Variants in IFI16 observed in about 807,000 individuals in gnomAD.
IFI16 encodes gamma-interferon-inducible protein 16.
IFI16 carries 49 observed loss-of-function variants against 68.4 expected under a neutral mutation model. The observed-to-expected ratio is 0.72, with a 90% confidence interval of 0.57 to 0.91. The LOEUF (loss-of-function observed/expected upper bound fraction) is 0.91, where lower values mean the gene tolerates loss of function less well. Among genes scored for constraint, IFI16 ranks in the 40% least tolerant of loss-of-function variants. The pLI is 0.00. For missense variants in IFI16, 878 were observed against 942.9 expected (o/e 0.93, Z 0.90); for synonymous variants, 307 against 315.0 (o/e 0.97, Z 0.27).
At chr1:159,021,880 G>T (rs969899438) in intron 6 of IFI16, among the ~76,000 whole-genome samples, 5 of 148,780 alleles carry the variant, frequency 3.4e-5, no homozygotes, top group African/African-American at 1.0e-4. Context: ...CCTTATGCTT[G>T]TTGGCCATTT....
intron 7 of IFI16, among the ~76,000 whole-genome samples, chr1:159,043,177 T>C (rs572936917): frequency 6.6e-6 from 1 of 152,334 alleles, no homozygotes; most frequent in African/African-American, 2.4e-5. Flanking sequence ...CTGGTTCTTC[T>C]TGGGCAGAAC....
At chr1:159,030,873 G>A (rs1653955386) in intron 6 of IFI16, among the ~76,000 whole-genome samples, 1 of 17,236 alleles carries the variant, frequency 5.8e-5, no homozygotes, top group Admixed American at 7.8e-4. Context: ...CTCAGGTGGT[G>A]GGTGGGGGGG....
Position 159,051,342 on chromosome 1 carries a change from A to C in IFI16, c.1666-337A>C, listed in dbSNP as rs116744790. Among the ~76,000 whole-genome samples the C allele has an allele frequency of 7.3e-3, 1,109 of 152,250 alleles. 15 individuals are homozygous for C. Among genetic ancestry groups the C allele is most frequent in the African/African-American group, 0.025 (1,053 of 41,526 alleles). On this transcript the variant is annotated intron_variant, in intron 9 of 11. Transcript: ENST00000295809. ...CTTCTAAAATCTCATCTCTTTTGGGAGTCACTTCATGGCAGCTTTGCCTTT... is the reference window on the plus strand; with the variant it reads ...CTTCTAAAATCTCATCTCTTTTGGGCGTCACTTCATGGCAGCTTTGCCTTT...
At chr1:159,033,380 C>T (rs1463957435) in intron 7 of IFI16, among the ~76,000 whole-genome samples, 2 of 152,222 alleles carry the variant, frequency 1.3e-5, no homozygotes, top group African/African-American at 4.8e-5. Context: ...ACAGGGTCAG[C>T]ATAGCTCAGG....
In IFI16 at chr1:159,054,995, T is replaced by C; in HGVS notation, c.*94T>C. On this transcript the variant is annotated 3_prime_UTR_variant, in exon 12 of 12. Transcript: ENST00000295809. ...CCTGGTTGAAATACAACACTATACA[T>C]ACACACCACCATATATACTAGCTGT... 1.6e-6 allele frequency: 1 copy of C among 626,206 alleles called. No homozygotes were observed. Among genetic ancestry groups the C allele is most frequent in the Non-Finnish European group, 2.9e-6 (1 of 341,758 alleles). The allele number at this position is 626,206 out of a possible 1,614,324, so 38.8% of individuals were successfully genotyped here.
At chr1:159,047,435 G>C (rs1358846375) in intron 8 of IFI16, among the ~76,000 whole-genome samples, 17 of 146,616 alleles carry the variant, frequency 1.2e-4, no homozygotes, top group African/African-American at 4.0e-4. Context: ...CAGGCCCACT[G>C]TCTCTCTGTT....
chr1:159,052,626 C>G (rs576708711), intron 10 of IFI16: 1 of 152,988 alleles, frequency 6.5e-6, no homozygotes, highest in East Asian at 1.9e-4. Context: ...CTTGCCTCTT[C>G]TCATTCATTA....
chr1:159,046,642 T>C (rs1655003796), intron 8 of IFI16, among the ~76,000 whole-genome samples: 2 of 151,166 alleles, frequency 1.3e-5, no homozygotes, highest in East Asian at 1.9e-4. Flanking sequence ...TTAGTTTCAC[T>C]ATCCATGCTC....
At chr1:159,049,751 G>C (rs544861032) in intron 9 of IFI16, among the ~76,000 whole-genome samples, 152 bp downstream of exon 9, 2 of 152,256 alleles carry the variant, frequency 1.3e-5, no homozygotes, top group Non-Finnish European at 2.9e-5. Context: ...GTATTTTGAG[G>C]TCCTATCCAA....
intron 1 of IFI16, among the ~76,000 whole-genome samples, chr1:159,000,815 G>A (rs771651798): frequency 6.6e-6 from 1 of 152,138 alleles, no homozygotes; most frequent in Non-Finnish European, 1.5e-5. Flanking sequence ...TGGCTCATGG[G>A]GGTGGATCCC....
At position 159,018,256 on chromosome 1, in the gene IFI16, G is replaced by C. The variant is rs749704404; in HGVS notation, c.577G>C (p.Val193Leu). The change falls in exon 5 of 12, where the codon GTA (valine) becomes CTA (leucine). Residue 193 changes from valine to leucine, a missense_variant. By Grantham distance (32) the Val-to-Leu change is conservative. Transcript: ENST00000295809. ...ENPKTVAKCQ[V>L]TPRRNVLQKR... Reference sequence around the variant, plus strand: ...CCCGAAAACAGTGGCCAAATGTCAGGTAACTCCCAGAAGAAATGTTCTCCA... The same window carrying C: ...CCCGAAAACAGTGGCCAAATGTCAGCTAACTCCCAGAAGAAATGTTCTCCA... The C allele has an allele frequency of 2.5e-6, 4 of 1,613,860 alleles. No individual in the cohort carries two copies. In the East Asian group the frequency reaches 8.9e-5, roughly 36 times the overall value.
chr1:159,030,306 TTTC>T (rs1336120347), intron 6 of IFI16, among the ~76,000 whole-genome samples: 1 of 152,222 alleles, frequency 6.6e-6, no homozygotes, highest in African/African-American at 2.4e-5. Flanking sequence ...AATTCAGAGA[TTTC>T]TTCTTGGGTT....
intron 7 of IFI16, among the ~76,000 whole-genome samples, chr1:159,043,524 A>T (rs1001670542): frequency 1.3e-5 from 2 of 152,188 alleles, no homozygotes; most frequent in Non-Finnish European, 2.9e-5. Flanking sequence ...AGGCCTGCAA[A>T]AATGGTGTCT....
intron 1 of IFI16, 50 bp from the exon 2 acceptor site, chr1:159,014,611 A>G (rs527960761): frequency 7.9e-7 from 1 of 1,258,218 alleles, no homozygotes; most frequent in Admixed American, 2.4e-5. Flanking sequence ...TACATCTTTT[A>G]AATTGTCTGT....
chr1:159,044,753 C>A (rs1457928223), intron 7 of IFI16, among the ~76,000 whole-genome samples: 3 of 152,124 alleles, frequency 2.0e-5, no homozygotes, highest in Admixed American at 2.0e-4. Flanking sequence ...CTGAAAGATT[C>A]TGATTGCCTG....
chr1:159,024,805 A>G (rs114970305), intron 6 of IFI16, among the ~76,000 whole-genome samples: 4,396 of 152,248 alleles, frequency 0.029, 103 homozygotes, highest in African/African-American at 0.059. Context: ...AAAGAAAAAA[A>G]TATATAAAAG....
upstream of IFI16, among the ~76,000 whole-genome samples, chr1:159,008,558 T>C (rs1010642205): frequency 1.3e-5 from 2 of 152,138 alleles, no homozygotes; most frequent in African/African-American, 4.8e-5. Context: ...AGGCAGAAAA[T>C]GTTCTGAAGG....
At chr1:159,023,177 G>A (rs1653443287) in intron 6 of IFI16, among the ~76,000 whole-genome samples, 1 of 151,994 alleles carries the variant, frequency 6.6e-6, no homozygotes, top group Admixed American at 6.6e-5. Flanking sequence ...ATTTATTTTA[G>A]AATTGTTGGC....
At chr1:159,000,360 C>T (rs1265990016) in exon 1 of IFI16, 2 of 207,288 alleles carry the variant, frequency 9.6e-6, no homozygotes, top group Non-Finnish European at 2.1e-5. Flanking sequence ...TAAGATTATA[C>T]CACCAAAAGT....
Sources: allele counts gnomAD v4.1 joint callset (sites outside exome capture counted in the v4.1 genomes callset), GRCh38; gene constraint gnomAD v4.1.1; transcripts MANE v1.5; gene names NCBI Gene and HGNC (gene_info 2026-07-23, HGNC 2026-07-21).